The following RERE variants were observed in gnomAD, a reference collection of about 807,000 sequenced individuals.
The protein encoded by RERE is arginine-glutamic acid dipeptide repeats protein.
In RERE, 40 loss-of-function variants were observed where a neutral mutation model predicts 146.1. The ratio of observed to expected loss-of-function variants is 0.27; its 90% CI spans 0.21 to 0.36. RERE has a LOEUF of 0.36. Among genes scored for constraint, RERE ranks in the 10% least tolerant of loss-of-function variants. RERE has a pLI of 1.00. For synonymous variants in RERE, 1,003 were observed against 866.0 expected, an observed-to-expected ratio of 1.16 and a Z score of -2.78; for missense variants, 1,933 against 2,138.7, an observed-to-expected ratio of 0.90 and a Z score of 1.90.
At chr1:8,592,431 C>T (rs1460883460) in intron 4 of RERE, among the ~76,000 whole-genome samples, 1 of 151,986 alleles carries the variant, frequency 6.6e-6, no homozygotes, top group East Asian at 2.0e-4. Context: ...CCACCATGCC[C>T]GGCTAATTTT....
intron 4 of RERE, among the ~76,000 whole-genome samples, chr1:8,558,587 T>C (rs1331408115): frequency 6.6e-6 from 1 of 152,114 alleles, no homozygotes; most frequent in Non-Finnish European, 1.5e-5. Flanking sequence ...TCCTAAAATA[T>C]GATAAAAGAG....
chr1:8,511,670 A>G (rs1488732964), intron 7 of RERE: 1 of 152,242 alleles, frequency 6.6e-6, no homozygotes, highest in Non-Finnish European at 1.5e-5. Context: ...ATGGTGGGGA[A>G]GTGCCAGCAT....
At position 8,423,856 on chromosome 1, in the gene RERE, T is replaced by G. The variant is rs1218905833; in HGVS notation, c.1204-1049A>C. Among the ~76,000 whole-genome samples, 1 of 148,892 alleles carries G rather than the reference T, an allele frequency of 6.7e-6. No homozygotes were observed. The highest frequency in any genetic ancestry group is 2.4e-5 in the African/African-American group (1 of 41,040). On this transcript the variant is annotated intron_variant, in intron 11 of 22. Coordinates refer to ENST00000400908, the MANE Select transcript of RERE (RefSeq NM_001042681.2). The surrounding 1 kb of genome is among the most constrained non-coding windows in gnomAD (Gnocchi z 5.4). ...GCGGCCTGGATTGCCGCCGCCCTCCTGTCCGCCAGCCGGGGCCCCGCGCCC... is the reference window on the plus strand; with the variant it reads ...GCGGCCTGGATTGCCGCCGCCCTCCGGTCCGCCAGCCGGGGCCCCGCGCCC...
intron 1 of RERE, among the ~76,000 whole-genome samples, chr1:8,701,314 A>T (rs1557490444): frequency 3.0e-5 from 3 of 99,688 alleles, no homozygotes; most frequent in African/African-American, 1.7e-4. Context: ...ACACACACAC[A>T]CACACACACG....
At chr1:8,617,094 C>T (rs2124202510) in intron 3 of RERE, among the ~76,000 whole-genome samples, 1 of 152,136 alleles carries the variant, frequency 6.6e-6, no homozygotes, top group South Asian at 2.1e-4. Context: ...CCTGTAATCC[C>T]AACACTTTGG....
At chr1:8,610,600 A>C (rs866782077) in intron 4 of RERE, among the ~76,000 whole-genome samples, 2 of 152,140 alleles carry the variant, frequency 1.3e-5, no homozygotes, top group Non-Finnish European at 2.9e-5. Context: ...ATCTCAAAAA[A>C]CAAATAAATA....
intron 1 of RERE, among the ~76,000 whole-genome samples, chr1:8,682,300 CT>C (rs1638989050): frequency 1.3e-5 from 2 of 152,202 alleles, no homozygotes; most frequent in Admixed American, 6.5e-5. Context: ...TATCTCATTT[CT>C]TTCCATGATA....
intron 12 of RERE, among the ~76,000 whole-genome samples, chr1:8,402,048 T>G (rs1052448173): frequency 2.2e-4 from 34 of 152,228 alleles, no homozygotes; most frequent in African/African-American, 7.9e-4. Flanking sequence ...TTTGTACTTT[T>G]AGTAGAGACG....
chr1:8,489,549 T>C (rs1644948520), intron 10 of RERE, among the ~76,000 whole-genome samples: 1 of 151,782 alleles, frequency 6.6e-6, no homozygotes. Context: ...CAAAAAAAGA[T>C]AAACAAATGG....
chr1:8,619,037 T>C (rs180680139), intron 3 of RERE, among the ~76,000 whole-genome samples: 1 of 152,304 alleles, frequency 6.6e-6, no homozygotes, highest in Non-Finnish European at 1.5e-5. Flanking sequence ...ACTGCTCACA[T>C]TTGACAATGA....
chr1:8,464,786 C>T (rs543814117), intron 11 of RERE, among the ~76,000 whole-genome samples: 44 of 152,274 alleles, frequency 2.9e-4, no homozygotes, highest in Middle Eastern at 3.4e-3. Flanking sequence ...CAGTACCCCA[C>T]CCAGCTGATT....
chr1:8,548,417 G>A (rs1645893010), intron 6 of RERE, among the ~76,000 whole-genome samples: 1 of 152,080 alleles, frequency 6.6e-6, no homozygotes, highest in African/African-American at 2.4e-5. Context: ...AGCAACAAAT[G>A]AACCTAAATG....
intron 1 of RERE, among the ~76,000 whole-genome samples, chr1:8,811,954 A>C (rs1366619272): frequency 6.6e-6 from 1 of 152,184 alleles, no homozygotes; most frequent in East Asian, 1.9e-4. Context: ...CTGGTCGCTA[A>C]AGCTGGGTGG....
intron 1 of RERE, among the ~76,000 whole-genome samples, chr1:8,685,240 C>T (rs1427205829): frequency 6.6e-6 from 1 of 152,154 alleles, no homozygotes; most frequent in Non-Finnish European, 1.5e-5. Flanking sequence ...CAACAGTTTA[C>T]CTACTACACA....
chr1:8,385,734 G>A (rs890248745), intron 12 of RERE, among the ~76,000 whole-genome samples: 6 of 151,108 alleles, frequency 4.0e-5, no homozygotes, highest in East Asian at 1.9e-4. Context: ...CCACTTTGGC[G>A]GATGGATCAC....
At chr1:8,803,871 T>C (rs1183140082) in intron 1 of RERE, among the ~76,000 whole-genome samples, 1 of 152,128 alleles carries the variant, frequency 6.6e-6, no homozygotes, top group Non-Finnish European at 1.5e-5. Flanking sequence ...CAACTAAAGT[T>C]TCTGTAGCGT....
chr1:8,765,539 C>G (rs1019065857), intron 1 of RERE, among the ~76,000 whole-genome samples: 1 of 152,156 alleles, frequency 6.6e-6, no homozygotes, highest in African/African-American at 2.4e-5. Flanking sequence ...AAACAAAAGG[C>G]CGGATGCGGT....
At chr1:8,379,745 T>C (rs1251549396) in intron 12 of RERE, among the ~76,000 whole-genome samples, 2 of 152,090 alleles carry the variant, frequency 1.3e-5, no homozygotes, top group Non-Finnish European at 2.9e-5. Context: ...AGGAAACCGC[T>C]CCCTACTCCA....
At chr1:8,663,546 A>T (rs996375720) in intron 1 of RERE, among the ~76,000 whole-genome samples, 1 of 152,142 alleles carries the variant, frequency 6.6e-6, no homozygotes, top group Non-Finnish European at 1.5e-5. Flanking sequence ...TTTCTAACAG[A>T]TCTTTGTGAC....
Sources: allele counts gnomAD v4.1 joint callset (sites outside exome capture counted in the v4.1 genomes callset), GRCh38; gene constraint gnomAD v4.1.1; non-coding constraint Gnocchi (gnomAD v3.1); transcripts MANE v1.5; gene names NCBI Gene and HGNC (gene_info 2026-07-23, HGNC 2026-07-21).